Variants in LRRC4C observed in about 807,000 individuals in gnomAD.
LRRC4C encodes leucine-rich repeat-containing protein 4C.
Under a neutral mutation model 33.6 loss-of-function variants are expected in LRRC4C, and 5 were observed. The ratio of observed to expected loss-of-function variants is 0.15; its 90% CI spans 0.08 to 0.31. The LOEUF (loss-of-function observed/expected upper bound fraction) is 0.31. Among genes scored for constraint, LRRC4C ranks in the 10% least tolerant of loss-of-function variants. LRRC4C has a pLI of 1.00. For synonymous variants in LRRC4C, 329 were observed against 302.0 expected, an observed-to-expected ratio of 1.09 and a Z score of -0.93; for missense variants, 560 against 796.7, an observed-to-expected ratio of 0.70 and a Z score of 3.58.
chr11:40,402,423 G>A (rs1051276401), intron 3 of LRRC4C, among the ~76,000 whole-genome samples: 5 of 152,024 alleles, frequency 3.3e-5, no homozygotes, highest in Admixed American at 1.3e-4. Context: ...CTTTTTGGCA[G>A]TTGAAACTAA....
intron 3 of LRRC4C, among the ~76,000 whole-genome samples, chr11:40,412,872 AAATAAG>A (rs567965128): frequency 2.0e-5 from 3 of 152,218 alleles, no homozygotes; most frequent in Admixed American, 6.6e-5. Context: ...AGACTATATA[AAATAAG>A]AATACCAATT....
At position 40,760,476 on chromosome 11, in the gene LRRC4C, A is replaced by C. The variant is rs1949154586; in HGVS notation, c.-406-112198T>G. Among the ~76,000 whole-genome samples the C allele has an allele frequency of 2.0e-5, 3 of 152,154 alleles. No homozygotes were observed. The East Asian group carries it at 5.8e-4, about 29-fold the overall frequency. ...TAAACTACTCATTTATTCCAGAATA[A>C]ATTTTTGCAAAATAATTTGGCTGGA... On this transcript the variant is annotated intron_variant, in intron 2 of 6. Coordinates refer to ENST00000528697, the MANE Select transcript of LRRC4C (RefSeq NM_001258419.2).
chr11:41,008,097 A>T (rs1297961243), intron 1 of LRRC4C, among the ~76,000 whole-genome samples: 10 of 152,210 alleles, frequency 6.6e-5, no homozygotes, highest in Non-Finnish European at 4.4e-5. Flanking sequence ...AACATACCTA[A>T]GAGTAGCCCA....
chr11:41,340,047 A>G (rs1951578900), intron 1 of LRRC4C, among the ~76,000 whole-genome samples: 1 of 152,180 alleles, frequency 6.6e-6, no homozygotes, highest in Admixed American at 6.5e-5. Flanking sequence ...AGTTTAGAAG[A>G]GGAAGGTAAT....
chr11:40,648,920 G>A (rs11035991), intron 2 of LRRC4C, among the ~76,000 whole-genome samples: 8,184 of 152,178 alleles, frequency 0.054, 741 homozygotes, highest in African/African-American at 0.19. Flanking sequence ...GCACCGTGAT[G>A]CCCACCTGAG....
intron 3 of LRRC4C, among the ~76,000 whole-genome samples, chr11:40,500,760 C>A (rs76561940): frequency 0.093 from 14,150 of 152,002 alleles, 801 homozygotes; most frequent in Middle Eastern, 0.15. Flanking sequence ...ACAGAGCCAA[C>A]CCATATCATT....
At chr11:40,663,829 G>A (rs1252902414) in intron 2 of LRRC4C, among the ~76,000 whole-genome samples, 1 of 152,164 alleles carries the variant, frequency 6.6e-6, no homozygotes, top group Admixed American at 6.5e-5. Context: ...CATAATCACA[G>A]TGGAAGATTT....
chr11:41,291,336 A>G (rs1949986971), intron 1 of LRRC4C, among the ~76,000 whole-genome samples: 1 of 152,150 alleles, frequency 6.6e-6, no homozygotes, highest in Admixed American at 6.6e-5. Flanking sequence ...CTCAGCAAAC[A>G]CACTACAAAT....
At position 41,184,157 on chromosome 11, in the gene LRRC4C, T is replaced by C. The variant is rs532240202; in HGVS notation, c.-495-250434A>G. Among the ~76,000 whole-genome samples, 10 of 152,310 alleles carry C rather than the reference T, an allele frequency of 6.6e-5. No individual in the cohort carries two copies. The East Asian group carries it at 1.7e-3, about 27-fold the overall frequency. ...CTGCTGTTAAGACCTCTGACATGCCTTGGAGACTTTTTCCCCATTGTTTTG... is the reference window on the plus strand; with the variant it reads ...CTGCTGTTAAGACCTCTGACATGCCCTGGAGACTTTTTCCCCATTGTTTTG... On this transcript the variant is annotated intron_variant, in intron 1 of 6. Coordinates refer to ENST00000528697, the MANE Select transcript of LRRC4C (RefSeq NM_001258419.2).
At position 41,368,897 on chromosome 11, in the gene LRRC4C, A is replaced by G. The variant is rs1481172704; in HGVS notation, c.-496+90534T>C. Among the ~76,000 whole-genome samples the G allele has an allele frequency of 2.6e-5, 4 of 152,332 alleles. No homozygotes were observed. In the East Asian group the frequency reaches 5.8e-4, roughly 22 times the overall value. On this transcript the variant is annotated intron_variant, in intron 1 of 6. Coordinates refer to ENST00000528697, the MANE Select transcript of LRRC4C (RefSeq NM_001258419.2). ...TGTAAGAACCCATTTGTAGACAGAC[A>G]TGTTATGGCTGACCTTTCACTTCTA... is the stretch of plus-strand genomic sequence containing the variant.
intron 4 of LRRC4C, among the ~76,000 whole-genome samples, chr11:40,286,512 T>A (rs1943850488): frequency 6.6e-6 from 1 of 152,168 alleles, no homozygotes; most frequent in African/African-American, 2.4e-5. Flanking sequence ...TGATCAAAAA[T>A]AACATCACCA....
At chr11:40,707,718 G>T (rs961142706) in intron 2 of LRRC4C, among the ~76,000 whole-genome samples, 2 of 152,126 alleles carry the variant, frequency 1.3e-5, no homozygotes, top group Non-Finnish European at 2.9e-5. Context: ...GATGATGCTG[G>T]CCTCATAAAA....
intron 1 of LRRC4C, among the ~76,000 whole-genome samples, chr11:41,233,967 C>CTTTT (rs34427207): frequency 5.6e-4 from 78 of 140,350 alleles, no homozygotes; most frequent in Non-Finnish European, 8.2e-4. Flanking sequence ...TCTCCAAAAG[C>CTTTT]TTTTTTTTTT....
intron 1 of LRRC4C, among the ~76,000 whole-genome samples, chr11:40,965,271 C>T (rs1047749694): frequency 1.3e-5 from 2 of 151,990 alleles, no homozygotes; most frequent in African/African-American, 2.4e-5. Context: ...GATATTAGCC[C>T]TTTGTCAGAT....
chr11:41,281,624 G>A (rs1949680406), intron 1 of LRRC4C, among the ~76,000 whole-genome samples: 1 of 152,212 alleles, frequency 6.6e-6, no homozygotes, highest in Non-Finnish European at 1.5e-5. Flanking sequence ...ATGTGGGAGA[G>A]GATTTAAAAT....
At chr11:40,750,151 G>T (rs1356286643) in intron 2 of LRRC4C, among the ~76,000 whole-genome samples, 1 of 152,064 alleles carries the variant, frequency 6.6e-6, no homozygotes, top group Non-Finnish European at 1.5e-5. Context: ...GAACCCAGGA[G>T]GTGGAGATTG....
chr11:40,733,089 TTTTTG>T (rs1310303958), intron 2 of LRRC4C, among the ~76,000 whole-genome samples: 4 of 128,824 alleles, frequency 3.1e-5, no homozygotes, highest in Admixed American at 8.3e-5. Flanking sequence ...TTTTTTTTTT[TTTTTG>T]AGATGGAGTC....
At chr11:40,276,167 A>T (rs1025140374) in intron 4 of LRRC4C, among the ~76,000 whole-genome samples, 2 of 152,118 alleles carry the variant, frequency 1.3e-5, no homozygotes, top group African/African-American at 4.8e-5. Context: ...TTGGAAGATA[A>T]ATAACGTGAT....
chr11:41,235,263 G>A (rs760339158), intron 1 of LRRC4C, among the ~76,000 whole-genome samples: 8 of 151,992 alleles, frequency 5.3e-5, no homozygotes, highest in South Asian at 4.2e-4. Flanking sequence ...CGCAGAAGAC[G>A]CTAAAAAAAA....
Sources: allele counts gnomAD v4.1 joint callset (sites outside exome capture counted in the v4.1 genomes callset), GRCh38; gene constraint gnomAD v4.1.1; transcripts MANE v1.5; gene names NCBI Gene and HGNC (gene_info 2026-07-23, HGNC 2026-07-21).